The following MAP3K9 variants were observed in gnomAD, a reference collection of about 807,000 sequenced individuals.
MAP3K9 encodes the protein mitogen-activated protein kinase kinase kinase 9.
A neutral mutation model predicts 95.8 loss-of-function variants in MAP3K9; 46 were observed. The observed-to-expected ratio is 0.48, with a 90% CI of 0.38 to 0.61. The LOEUF is 0.61. MAP3K9 is among the 20% of genes least tolerant of loss of function. The pLI, the probability that MAP3K9 is intolerant of heterozygous loss-of-function variation, is 0.00. For missense variants in MAP3K9, 1,296 were observed against 1,474.3 expected (o/e 0.88, Z 1.98); for synonymous variants, 533 against 593.8 (o/e 0.90, Z 1.49).
intron 2 of MAP3K9, among the ~76,000 whole-genome samples, chr14:70,775,959 CG>C (rs2054592593): frequency 6.6e-6 from 1 of 152,048 alleles, no homozygotes; most frequent in African/African-American, 2.4e-5. Flanking sequence ...GAGGCCGAGG[CG>C]GGTGGATCAC....
In MAP3K9 at chr14:70,730,739, G is replaced by T; in HGVS notation, c.2956C>A (p.Pro986Thr). Reference sequence around the variant, plus strand: ...CGAGGCAGAAACTCCAGAGTCTTGGGTCTCTCCAAGGTAGAGTCCTGCTGA... The same window carrying T: ...CGAGGCAGAAACTCCAGAGTCTTGGTTCTCTCCAAGGTAGAGTCCTGCTGA... ...NTQQDSTLER[P>T]KTLEFLPRPR... is the part of the protein sequence containing the mutation. The change falls in exon 12 of 12, where the codon CCC becomes ACC. Residue 986 changes from proline (P) to threonine (T), a missense_variant. Physicochemically the swap from Pro to Thr is conservative, Grantham distance 38. Coordinates refer to ENST00000554752, the MANE Select transcript of MAP3K9 (RefSeq NM_001284230.2). 1 of 1,613,856 alleles carries T rather than the reference G, an allele frequency of 6.2e-7. No individual in the cohort carries two copies. Among genetic ancestry groups the T allele is most frequent in the East Asian group, 2.2e-5 (1 of 44,874 alleles).
At chr14:70,734,704 T>C (rs1594765073) in intron 9 of MAP3K9, among the ~76,000 whole-genome samples, 1 of 152,174 alleles carries the variant, frequency 6.6e-6, no homozygotes, top group East Asian at 1.9e-4. Flanking sequence ...GGCAATGACA[T>C]GACCCATCCC....
chr14:70,762,131 G>A (rs572384977), intron 2 of MAP3K9, among the ~76,000 whole-genome samples: 1 of 152,238 alleles, frequency 6.6e-6, no homozygotes, highest in East Asian at 1.9e-4. Context: ...ACATATTACA[G>A]TTTATCCTTT....
At chr14:70,738,439 A>G (rs963672581) in intron 7 of MAP3K9, 41 bp from the exon 8 acceptor site, 2 of 1,598,814 alleles carry the variant, frequency 1.3e-6, no homozygotes, top group Non-Finnish European at 1.7e-6. Flanking sequence ...GAAAATGGAC[A>G]GACAGGGCTC....
intron 2 of MAP3K9, among the ~76,000 whole-genome samples, chr14:70,769,217 C>A (rs2054498490): frequency 6.6e-6 from 1 of 152,140 alleles, no homozygotes; most frequent in Non-Finnish European, 1.5e-5. Context: ...AGTGAAACTC[C>A]ATTTCTAAAA....
At position 70,740,142 on chromosome 14, in the gene MAP3K9, C is replaced by T. The variant is rs994560623; in HGVS notation, c.1590G>A (p.Val530=). The T allele has an allele frequency of 6.2e-7, 1 of 1,613,490 alleles. No individual in the cohort carries two copies. The highest frequency in any genetic ancestry group is 8.5e-7 in the Non-Finnish European group (1 of 1,179,584). ...LPSDFQHKFT[V]QASPTMDKRK... ...TTTTATCCATGGTAGGGGAGGCCTGCACCGTGAACTTGTGCTGGAAATCTG... is the reference window on the plus strand; with the variant it reads ...TTTTATCCATGGTAGGGGAGGCCTGTACCGTGAACTTGTGCTGGAAATCTG... Residue 530 remains valine, a synonymous_variant, in exon 7 of 12, where the codon GTG becomes GTA. Transcript: ENST00000554752.
At position 70,809,118 on chromosome 14, in the gene MAP3K9, G is replaced by A; in HGVS notation, c.54C>T (p.Ala18=). The A allele has an allele frequency of 1.4e-6, 2 of 1,381,330 alleles. No homozygotes were observed. Among genetic ancestry groups the A allele is most frequent in the Non-Finnish European group, 1.9e-6 (2 of 1,076,498 alleles). The allele number at this position is 1,381,330 out of a possible 1,614,324, so 85.6% of individuals were successfully genotyped here. A position where few individuals can be genotyped will look rare whatever the true frequency, so the allele number is the denominator to read the frequency against. ...LGCLASAAAA[A]PPGEDGAGAG... ...CCCCTGCTCCATCCTCCCCCGGCGG[G>A]GCGGCAGCGGCGGCGCTCGCTAGGC... Residue 18 remains alanine (A), a synonymous_variant, in exon 1 of 12, where the codon GCC becomes GCT. Coordinates refer to ENST00000554752, the MANE Select transcript of MAP3K9 (RefSeq NM_001284230.2).
intron 2 of MAP3K9, among the ~76,000 whole-genome samples, chr14:70,772,317 A>G (rs1366944755): frequency 6.6e-6 from 1 of 152,190 alleles, no homozygotes; most frequent in Non-Finnish European, 1.5e-5. Flanking sequence ...GGGACTTAGG[A>G]GTCACTCCCT....
chr14:70,740,708 A>G (rs999670914), intron 6 of MAP3K9, among the ~76,000 whole-genome samples: 1 of 152,214 alleles, frequency 6.6e-6, no homozygotes, highest in East Asian at 1.9e-4. Flanking sequence ...AGTACAGCAT[A>G]AAGAATGTAA....
chr14:70,776,250 T>C (rs1000964361), intron 2 of MAP3K9, among the ~76,000 whole-genome samples: 22 of 152,008 alleles, frequency 1.4e-4, no homozygotes, highest in African/African-American at 5.1e-4. Flanking sequence ...GATCAAACTC[T>C]AATAGCTTGG....
intron 8 of MAP3K9, among the ~76,000 whole-genome samples, chr14:70,736,841 A>G (rs1378896881): frequency 6.6e-6 from 1 of 152,168 alleles, no homozygotes; most frequent in Non-Finnish European, 1.5e-5. Flanking sequence ...CTACATATCT[A>G]AACTTTCTGC....
intron 5 of MAP3K9, among the ~76,000 whole-genome samples, chr14:70,748,102 C>T (rs1441048453): frequency 7.9e-5 from 5 of 63,536 alleles, no homozygotes; most frequent in African/African-American, 2.1e-4. Flanking sequence ...GCGAGACTGT[C>T]TCAAAAAAAA....
chr14:70,792,129 T>A (rs2054814136), intron 2 of MAP3K9, among the ~76,000 whole-genome samples: 1 of 152,350 alleles, frequency 6.6e-6, no homozygotes, highest in Admixed American at 6.5e-5. Flanking sequence ...GCAGAACATA[T>A]CTCTGTATTC....
At chr14:70,733,414 T>C (rs2053941220) in intron 10 of MAP3K9, 72 bp from the exon 11 acceptor site, 2 of 688,472 alleles carry the variant, frequency 2.9e-6, no homozygotes, top group Admixed American at 2.9e-5. Context: ...ATCTGGCCCT[T>C]TCCCCTCACC....
intron 2 of MAP3K9, among the ~76,000 whole-genome samples, chr14:70,765,163 T>C (rs1156232071): frequency 1.3e-5 from 2 of 151,960 alleles, no homozygotes; most frequent in Non-Finnish European, 2.9e-5. Context: ...AACCCATCTC[T>C]ACTAAAAATA....
chr14:70,798,723 C>A (rs1168082535), intron 2 of MAP3K9, among the ~76,000 whole-genome samples: 3 of 151,842 alleles, frequency 2.0e-5, no homozygotes, highest in Non-Finnish European at 2.9e-5. Flanking sequence ...CGTGATCCGC[C>A]CGCCTCGGCC....
chr14:70,740,883 C>T (rs145347900), intron 6 of MAP3K9, among the ~76,000 whole-genome samples: 1,647 of 152,266 alleles, frequency 0.011, 14 homozygotes, highest in Admixed American at 0.02. Context: ...TATGCTGACA[C>T]ATGCTAGATG....
intron 2 of MAP3K9, chr14:70,783,085 C>T (rs17108533): frequency 0.1 from 17,209 of 171,968 alleles, 999 homozygotes; most frequent in African/African-American, 0.16. Context: ...TTTACTCTTC[C>T]TGGAAGGTCA....
At chr14:70,798,221 T>A (rs1051173624) in intron 2 of MAP3K9, among the ~76,000 whole-genome samples, 3 of 152,214 alleles carry the variant, frequency 2.0e-5, no homozygotes, top group East Asian at 1.9e-4. Flanking sequence ...AAAACGTGTA[T>A]GAAGAGCTTA....
Sources: allele counts gnomAD v4.1 joint callset (sites outside exome capture counted in the v4.1 genomes callset), GRCh38; gene constraint gnomAD v4.1.1; transcripts MANE v1.5; gene names NCBI Gene and HGNC (gene_info 2026-07-23, HGNC 2026-07-21).